MARK2: variants seen among roughly 807,000 people sequenced by gnomAD.
MARK2 encodes the protein microtubule affinity regulating kinase 2.
Under a neutral mutation model 89.8 loss-of-function variants are expected in MARK2, and 16 were observed. That is an observed-to-expected ratio of 0.18 (90% CI 0.12 to 0.27). The LOEUF (loss-of-function observed/expected upper bound fraction) is 0.27, where lower values mean the gene tolerates loss of function less well. Among genes scored for constraint, MARK2 ranks in the 10% least tolerant of loss-of-function variants. The pLI, the probability that MARK2 is intolerant of heterozygous loss-of-function variation, is 1.00. For synonymous variants in MARK2, 382 were observed against 399.5 expected (o/e 0.96, Z 0.52); for missense variants, 621 against 1,049.9 (o/e 0.59, Z 5.65).
At chr11:63,895,475 G>T in intron 2 of MARK2, 105 bp from the exon 3 acceptor site, 2 of 1,439,960 alleles carry the variant, frequency 1.4e-6, no homozygotes, top group Non-Finnish European at 2.0e-6. Flanking sequence ...GGTGCAAAAA[G>T]CTGTGGGATG....
intron 3 of MARK2, among the ~76,000 whole-genome samples, chr11:63,897,293 A>C (rs1044640183): frequency 1.4e-4 from 22 of 152,322 alleles, no homozygotes; most frequent in African/African-American, 5.3e-4. Context: ...TATCTGTTGG[A>C]CCAGGGAAAA....
chr11:63,901,454 C>T (rs921669685), intron 11 of MARK2, among the ~76,000 whole-genome samples: 11 of 36,256 alleles, frequency 3.0e-4, no homozygotes, highest in Non-Finnish European at 5.2e-4. Flanking sequence ...TGTGTCTGAT[C>T]GGAAGTTTGA....
chr11:63,856,143 C>T (rs549913862), intron 1 of MARK2, among the ~76,000 whole-genome samples: 1 of 152,176 alleles, frequency 6.6e-6, no homozygotes, highest in Non-Finnish European at 1.5e-5. Flanking sequence ...TCTTGTTTTG[C>T]TGGTTCCCAG....
At chr11:63,888,477 C>G in intron 1 of MARK2, 17 of 998,510 alleles carry the variant, frequency 1.7e-5, no homozygotes, top group Non-Finnish European at 2.0e-5. Context: ...TGGGGCTGCC[C>G]ACTTCCGGGG....
At chr11:63,851,190 G>A (rs542235802) in intron 1 of MARK2, among the ~76,000 whole-genome samples, 2 of 152,310 alleles carry the variant, frequency 1.3e-5, no homozygotes, top group East Asian at 1.9e-4. Context: ...GTCTCTGTTG[G>A]TTGCTTGTTT....
chr11:63,841,749 G>T (rs1284483944), intron 1 of MARK2, among the ~76,000 whole-genome samples: 1 of 152,238 alleles, frequency 6.6e-6, no homozygotes, highest in East Asian at 1.9e-4. Flanking sequence ...ATTGTGTTCA[G>T]CAGAGCAGAG....
chr11:63,853,309 G>A (rs752761782), intron 1 of MARK2, among the ~76,000 whole-genome samples: 1 of 151,804 alleles, frequency 6.6e-6, no homozygotes, highest in Non-Finnish European at 1.5e-5. Context: ...TGAGGCAGGA[G>A]AATCGTTTGA....
At chr11:63,858,122 G>C (rs900270468) in intron 1 of MARK2, among the ~76,000 whole-genome samples, 1 of 152,112 alleles carries the variant, frequency 6.6e-6, no homozygotes, top group Non-Finnish European at 1.5e-5. Context: ...TGCCTCCTGG[G>C]ATCAAGCGAT....
intron 1 of MARK2, among the ~76,000 whole-genome samples, chr11:63,884,428 G>T (rs1457550287): frequency 6.6e-6 from 1 of 152,214 alleles, no homozygotes; most frequent in African/African-American, 2.4e-5. Context: ...GAGTCCTGGG[G>T]GAGCCCCGCC....
At chr11:63,891,823 G>A (rs1005530885) in intron 1 of MARK2, among the ~76,000 whole-genome samples, 1 of 152,218 alleles carries the variant, frequency 6.6e-6, no homozygotes, top group African/African-American at 2.4e-5. Flanking sequence ...GGAGGATGGG[G>A]CTGAGAAAAA....
At position 63,910,141 on chromosome 11, in the gene MARK2, TG is replaced by T. The variant is rs1941658446; in HGVS notation, c.*906del. 1 of 152,368 alleles carries T rather than the reference TG, an allele frequency of 6.6e-6. No individual in the cohort carries two copies. Among genetic ancestry groups the T allele is most frequent in the Non-Finnish European group, 1.5e-5 (1 of 68,150 alleles). 9.4% of individuals were successfully genotyped at this position (152,368 alleles called of 1,614,324 possible). A position where few individuals can be genotyped will look rare whatever the true frequency, so the allele number is the denominator to read the frequency against. On this transcript the variant is annotated 3_prime_UTR_variant, in exon 19 of 19. Coordinates refer to ENST00000402010, the MANE Select transcript of MARK2 (RefSeq NM_001039469.3). ...GTCCCCAGGGGGCCGCTTGGGCTGT[TG>T]GTCTCCAGAGCAGGGCCACTGGGCA...
intron 1 of MARK2, among the ~76,000 whole-genome samples, chr11:63,845,713 A>G (rs547160404): frequency 1.3e-5 from 2 of 152,160 alleles, no homozygotes; most frequent in East Asian, 1.9e-4. Flanking sequence ...GTTATAGGCC[A>G]TTGAAGGTCA....
intron 1 of MARK2, among the ~76,000 whole-genome samples, chr11:63,859,480 C>T (rs1229381863): frequency 3.3e-5 from 5 of 151,774 alleles, no homozygotes; most frequent in Non-Finnish European, 7.4e-5. Flanking sequence ...GCCAGTATAC[C>T]CGGTTAATTT....
At chr11:63,844,089 A>C (rs528451795) in intron 1 of MARK2, among the ~76,000 whole-genome samples, 2 of 152,258 alleles carry the variant, frequency 1.3e-5, no homozygotes, top group East Asian at 3.9e-4. Flanking sequence ...TTGGCCCTAG[A>C]GATCAGGAAG....
rs1449445849 is a variant in MARK2, at chr11:63,884,932, T to G, written c.55-10227T>G. Among the ~76,000 whole-genome samples the G allele has an allele frequency of 2.6e-5, 4 of 152,246 alleles. No individual in the cohort carries two copies. In the East Asian group the frequency reaches 7.7e-4, roughly 29 times the overall value. On this transcript the variant is annotated intron_variant, in intron 1 of 18. Coordinates refer to ENST00000402010, the MANE Select transcript of MARK2 (RefSeq NM_001039469.3). The stretch of plus-strand genomic sequence containing the variant: ...AGATGTCCCATATGGCCATGCGCAG[T>G]GGCTCACTCCTGTGATCCCAGCACT...
In MARK2 at chr11:63,906,131, C is replaced by CTG. The variant is rs535377951; in HGVS notation, c.1961+41_1961+42dup. ...TGCCAGAAGGTAGGCGTTGAGCCCG[C>CTG]TGTGTGTGTGTGTGTGTGTGTGTGT... On this transcript the variant is annotated intron_variant, in intron 17 of 18. Transcript: ENST00000402010. 0.35 allele frequency: 416,470 copies of CTG among 1,184,600 alleles called. 18,900 individuals carry two copies. The highest frequency in any genetic ancestry group is 0.39 in the South Asian group (10,300 of 26,076). The allele number at this position is 1,184,600 out of a possible 1,614,324, so 73.4% of individuals were successfully genotyped here.
chr11:63,901,473 CTTTTTTTTT>C (rs35231498), intron 11 of MARK2, among the ~76,000 whole-genome samples: 3 of 57,698 alleles, frequency 5.2e-5, no homozygotes, highest in Non-Finnish European at 8.4e-5. Context: ...GAGTCTGTTG[CTTTTTTTTT>C]TTTTTTTTTT....
In MARK2 at chr11:63,910,337, C is replaced by T. The variant is rs1280304902; in HGVS notation, c.*1100C>T. The T allele has an allele frequency of 6.6e-6, 1 of 152,532 alleles. No individual in the cohort carries two copies. Among genetic ancestry groups the T allele is most frequent in the African/African-American group, 2.4e-5 (1 of 41,462 alleles). The allele number at this position is 152,532 out of a possible 1,614,324, so 9.4% of individuals were successfully genotyped here. On this transcript the variant is annotated 3_prime_UTR_variant, in exon 19 of 19. Transcript: ENST00000402010. The stretch of plus-strand genomic sequence containing the variant: ...CTTTTCTTCCTGACACTGTCGCCCC[C>T]TCCTCTCAGGAGACACTGCCGAGGG...
At chr11:63,894,954 C>T (rs1296031910) in intron 1 of MARK2, among the ~76,000 whole-genome samples, 3 of 152,174 alleles carry the variant, frequency 2.0e-5, no homozygotes, top group Admixed American at 6.5e-5. Context: ...GACCTGGGCA[C>T]TGGACCTTAT....
Sources: gnomAD v4.1 joint callset for allele counts (sites outside exome capture counted in the v4.1 genomes callset) on GRCh38, gnomAD v4.1.1 for gene constraint, MANE v1.5 for transcripts, NCBI Gene and HGNC (gene_info 2026-07-23, HGNC 2026-07-21) for gene names.